GTSF1: variants seen among roughly 807,000 people sequenced by gnomAD.
The protein encoded by GTSF1 is gametocyte specific factor 1, also known as gametocyte-specific factor 1.
A neutral mutation model predicts 28.9 loss-of-function variants in GTSF1; 11 were observed. The observed-to-expected ratio is 0.38, with a 90% CI of 0.24 to 0.63. The LOEUF is 0.63. Ranked by LOEUF, GTSF1 falls within the 30% of genes least tolerant of loss-of-function variation. The pLI, the probability that GTSF1 is intolerant of heterozygous loss-of-function variation, is 0.56. For missense variants in GTSF1, 146 were observed against 201.0 expected, an observed-to-expected ratio of 0.73 and a Z score of 1.66; for synonymous variants, 69 against 65.6, an observed-to-expected ratio of 1.05 and a Z score of -0.25.
chr12:54,461,719 C>A (rs1956425694), intron 6 of GTSF1, among the ~76,000 whole-genome samples: 1 of 152,132 alleles, frequency 6.6e-6, no homozygotes, highest in Non-Finnish European at 1.5e-5. Context: ...ATTTTCCAAT[C>A]TCAAATAAAG....
chr12:54,459,226 GAATT>G, intron 7 of GTSF1, 101 bp from the exon 8 acceptor site: 1 of 1,442,470 alleles, frequency 6.9e-7, no homozygotes, highest in Non-Finnish European at 9.3e-7. Flanking sequence ...TGTGTATACT[GAATT>G]ATAATATAAA....
chr12:54,460,456 T>C lies in GTSF1; in HGVS notation c.408A>G (p.Ile136Met), dbSNP rs776025144. The change falls in exon 7 of 9, where the codon ATA becomes ATG. Residue 136 changes from isoleucine to methionine, a missense_variant. Coordinates refer to ENST00000305879, the MANE Select transcript of GTSF1 (RefSeq NM_144594.3). ...YSDNNSPASNIVTEHKNNLAS... is the reference protein window; with the variant it reads ...YSDNNSPASNMVTEHKNNLAS... ...CCAGGTTATTCTTATGTTCTGTAAC[T>C]ATGTTGCTCGCAGGGCTGCAAAAAG... 1.2e-6 allele frequency: 2 copies of C among 1,613,518 alleles called. No individual in the cohort carries two copies. The highest frequency in any genetic ancestry group is 4.5e-5 in the East Asian group (2 of 44,876).
rs1956450414 is a variant in GTSF1, at chr12:54,463,105, C to G, written c.244+66G>C. 2.0e-6 allele frequency: 3 copies of G among 1,519,834 alleles called. No individual in the cohort carries two copies. In the Admixed American group the frequency reaches 6.1e-5, roughly 31 times the overall value. The allele number at this position is 1,519,834 out of a possible 1,614,324, so 94.1% of individuals were successfully genotyped here. The stretch of plus-strand genomic sequence containing the variant: ...GAAAGCCAAAAATCAAGCTGACAAT[C>G]TAGCATAATACAAATCTGAAGGAGC... On this transcript the variant is annotated intron_variant, in intron 4 of 8. Transcript: ENST00000305879.
intron 8 of GTSF1, among the ~76,000 whole-genome samples, chr12:54,458,832 T>TTA (rs1555167963): frequency 7.6e-6 from 1 of 131,922 alleles, no homozygotes; most frequent in African/African-American, 2.8e-5. Context: ...GCAACTTTGA[T>TTA]AAAAAAAAAA....
At chr12:54,459,049 A>T in intron 8 of GTSF1, 40 bp downstream of exon 8, 1 of 1,424,276 alleles carries the variant, frequency 7.0e-7, no homozygotes, top group East Asian at 2.3e-5. Flanking sequence ...AAATCTTGCT[A>T]CCATCTGAAG....
intron 2 of GTSF1, 98 bp from the exon 3 acceptor site, chr12:54,465,265 T>A: frequency 1.4e-6 from 1 of 729,458 alleles, no homozygotes; most frequent in South Asian, 1.6e-5. Context: ...GACTCTGTAA[T>A]AATAGAACAA....
At position 54,463,218 on chromosome 12, in the gene GTSF1, T is replaced by C. The variant is rs1565659145; in HGVS notation, c.197A>G (p.His66Arg). ...TCTGTCATCACAGCTTGAGATATGA[T>C]GACTAATTTCAGCTCGAGGAACCTG... ...RHQVPRAEISHHISSCDDRSC... is the reference protein window; with the variant it reads ...RHQVPRAEISRHISSCDDRSC... The change falls in exon 4 of 9, where the codon CAT (histidine) becomes CGT (arginine). Residue 66 changes from histidine to arginine, a missense_variant. Coordinates refer to ENST00000305879, the MANE Select transcript of GTSF1 (RefSeq NM_144594.3). The C allele has an allele frequency of 1.2e-6, 2 of 1,614,004 alleles. No homozygotes were observed. The highest frequency in any genetic ancestry group is 2.2e-5 in the East Asian group (1 of 44,884).
In GTSF1 at chr12:54,461,765, C is replaced by T. The variant is rs111856701; in HGVS notation, c.392+344G>A. Among the ~76,000 whole-genome samples the T allele has an allele frequency of 2.3e-3, 346 of 151,942 alleles. 1 individual carries two copies. Among genetic ancestry groups the T allele is most frequent in the African/African-American group, 8.1e-3 (334 of 41,388 alleles). On this transcript the variant is annotated intron_variant, in intron 6 of 8. Transcript: ENST00000305879. ...ACTGCTTTTTCCTATACACTAGTTACCTAAAGTAAAAATGATCCAAGTGGT... is the reference window on the plus strand; with the variant it reads ...ACTGCTTTTTCCTATACACTAGTTATCTAAAGTAAAAATGATCCAAGTGGT...
At chr12:54,463,583 C>T (rs1339130041) in intron 3 of GTSF1, among the ~76,000 whole-genome samples, 1 of 152,112 alleles carries the variant, frequency 6.6e-6, no homozygotes, top group Admixed American at 6.5e-5. Context: ...GGTATTGGAA[C>T]GACATCTTTC....
intron 7 of GTSF1, chr12:54,459,511 T>C: frequency 1.7e-6 from 2 of 1,170,764 alleles, no homozygotes. Flanking sequence ...GTATCTTGGG[T>C]GTTCTCTATG....
In GTSF1 at chr12:54,462,111, G is replaced by C. The variant is rs973080819; in HGVS notation, c.390C>G (p.Asn130Lys). ...TGGGATAAGACTATTTCATTTACCT[G>C]TTGTTGTCAGAGTAGTGAGTTGTGC... ...VWGTTHYSDN[N>K]SPASNIVTEH... The change falls in exon 6 of 9, where the codon AAC becomes AAG. Residue 130 changes from asparagine (N) to lysine (K), a missense_variant and splice_region_variant. Coordinates refer to ENST00000305879, the MANE Select transcript of GTSF1 (RefSeq NM_144594.3). The C allele has an allele frequency of 1.9e-6, 3 of 1,611,004 alleles. No individual in the cohort carries two copies. The highest frequency in any genetic ancestry group is 1.3e-5 in the African/African-American group (1 of 74,846).
At chr12:54,467,285 ATG>A (rs1956531485) in intron 2 of GTSF1, among the ~76,000 whole-genome samples, 1 of 150,940 alleles carries the variant, frequency 6.6e-6, no homozygotes, top group African/African-American at 2.4e-5. Flanking sequence ...GTGTTATAAC[ATG>A]TGACAGAATT....
At chr12:54,458,598 C>T (rs532864280) in intron 8 of GTSF1, among the ~76,000 whole-genome samples, 126 of 152,306 alleles carry the variant, frequency 8.3e-4, no homozygotes, top group African/African-American at 2.9e-3. Flanking sequence ...TCTCAAACTC[C>T]TGACCTCAAA....
intron 6 of GTSF1, 102 bp downstream of exon 6, chr12:54,462,007 C>A: frequency 1.3e-6 from 1 of 772,310 alleles, no homozygotes; most frequent in South Asian, 1.6e-5. Flanking sequence ...CATCAAGGAA[C>A]ATCGTTAAAG....
Position 54,462,202 on chromosome 12 carries a change from G to A in GTSF1, c.329-30C>T, listed in dbSNP as rs1401873391. Reference sequence around the variant, plus strand: ...TAAAGGAAGCAAAACATAGTTTGTGGTACTACTAGATAAGACACCAGCAGT... The same window carrying A: ...TAAAGGAAGCAAAACATAGTTTGTGATACTACTAGATAAGACACCAGCAGT... On this transcript the variant is annotated intron_variant, in intron 5 of 8. Coordinates refer to ENST00000305879, the MANE Select transcript of GTSF1 (RefSeq NM_144594.3). 6 of 1,529,606 alleles carry A rather than the reference G, an allele frequency of 3.9e-6. No individual in the cohort carries two copies. In the Admixed American group the frequency reaches 6.7e-5, roughly 17 times the overall value. 94.8% of individuals were successfully genotyped at this position (1,529,606 alleles called of 1,614,324 possible).
chr12:54,460,571 A>G, intron 6 of GTSF1, 100 bp from the exon 7 acceptor site: 2 of 725,944 alleles, frequency 2.8e-6, no homozygotes, highest in South Asian at 3.3e-5. Flanking sequence ...GGGGAAAAAC[A>G]ACAACCTACA....
At chr12:54,462,033 T>G (rs1956431019) in intron 6 of GTSF1, 76 bp downstream of exon 6, 1 of 1,053,712 alleles carries the variant, frequency 9.5e-7, no homozygotes, top group African/African-American at 1.6e-5. Context: ...GGTCAATTCA[T>G]GCTCCGGTGG....
rs1408113137 is a variant in GTSF1, at chr12:54,459,093, T to A, written c.*16A>T. The A allele has an allele frequency of 1.9e-6, 3 of 1,576,776 alleles. No homozygotes were observed. Among genetic ancestry groups the A allele is most frequent in the African/African-American group, 2.7e-5 (2 of 74,132 alleles). ...AAATAAAACTGAAACACTTACTTGA[T>A]GAGATAGGTATTCAGTTACTGTGCA... On this transcript the variant is annotated 3_prime_UTR_variant, in exon 8 of 9. Coordinates refer to ENST00000305879, the MANE Select transcript of GTSF1 (RefSeq NM_144594.3).
chr12:54,462,829 T>C, intron 4 of GTSF1, 104 bp from the exon 5 acceptor site: 2 of 832,930 alleles, frequency 2.4e-6, no homozygotes, highest in Non-Finnish European at 3.8e-6. Flanking sequence ...TGTTGGGTCT[T>C]TATTTCTGAA....
Sources: gnomAD v4.1 joint callset for allele counts (sites outside exome capture counted in the v4.1 genomes callset) on GRCh38, gnomAD v4.1.1 for gene constraint, MANE v1.5 for transcripts, NCBI Gene and HGNC (gene_info 2026-07-23, HGNC 2026-07-21) for gene names.